CFAP299: variants seen among roughly 807,000 people sequenced by gnomAD.
CFAP299 encodes the protein cilia and flagella associated protein 299, also known as cilia- and flagella-associated protein 299.
CFAP299 carries 21 observed loss-of-function variants against 27.0 expected under a neutral mutation model. The observed-to-expected ratio is 0.78, with a 90% CI of 0.55 to 1.12. The LOEUF (loss-of-function observed/expected upper bound fraction) is 1.12. Among genes scored for constraint, CFAP299 ranks in the 50% most tolerant of loss-of-function variants. CFAP299 has a pLI of 0.00. For synonymous variants in CFAP299, 104 were observed against 98.1 expected (o/e 1.06, Z -0.36); for missense variants, 310 against 276.6 (o/e 1.12, Z -0.86).
At chr4:80,560,667 T>C (rs1404915356) in intron 2 of CFAP299, among the ~76,000 whole-genome samples, 1 of 152,102 alleles carries the variant, frequency 6.6e-6, no homozygotes, top group Non-Finnish European at 1.5e-5. Context: ...ACATCAGTGG[T>C]AGTCTGGCAG....
At chr4:80,426,369 T>C (rs781278356) in intron 2 of CFAP299, among the ~76,000 whole-genome samples, 2 of 152,168 alleles carry the variant, frequency 1.3e-5, no homozygotes, top group Non-Finnish European at 2.9e-5. Flanking sequence ...AGTTTTTATA[T>C]TGGAATATGG....
chr4:80,786,635 C>A (rs1727258243), intron 3 of CFAP299, among the ~76,000 whole-genome samples: 1 of 152,086 alleles, frequency 6.6e-6, no homozygotes, highest in African/African-American at 2.4e-5. Context: ...TGCTGTGTAG[C>A]AGGCTTGCAA....
chr4:80,407,004 T>C (rs909546429), intron 2 of CFAP299, among the ~76,000 whole-genome samples: 3 of 152,088 alleles, frequency 2.0e-5, no homozygotes, highest in African/African-American at 7.2e-5. Context: ...ATAGCAAAAT[T>C]TTATATTACT....
In CFAP299 at chr4:80,574,611, T is replaced by C. The variant is rs183464748; in HGVS notation, c.243-8482T>C. ...GCTGTGGGTTTGTCATATTTGGCTTTTATTGTTTTGGGGGTATGTTCCTTC... is the reference window on the plus strand; with the variant it reads ...GCTGTGGGTTTGTCATATTTGGCTTCTATTGTTTTGGGGGTATGTTCCTTC... On this transcript the variant is annotated intron_variant, in intron 2 of 5. Coordinates refer to ENST00000358105, the MANE Select transcript of CFAP299 (RefSeq NM_152770.3). Among the ~76,000 whole-genome samples, 1,036 of 152,298 alleles carry C rather than the reference T, an allele frequency of 6.8e-3. 13 individuals carry two copies. Among genetic ancestry groups the C allele is most frequent in the African/African-American group, 0.024 (995 of 41,574 alleles).
rs190490693 is a variant in CFAP299, at chr4:80,879,609, T to C, written c.476+9474T>C. ...GTTTTTAACACTCGGCATTTTTACT[T>C]TCAATCGAAATTTATGTTTAATTTT... On this transcript the variant is annotated intron_variant, in intron 4 of 5. Transcript: ENST00000358105. Among the ~76,000 whole-genome samples the C allele has an allele frequency of 2.6e-5, 4 of 152,310 alleles. No individual in the cohort carries two copies. In the East Asian group the frequency reaches 7.7e-4, roughly 29 times the overall value.
At chr4:80,843,169 G>C (rs1447960944) in intron 3 of CFAP299, among the ~76,000 whole-genome samples, 1 of 151,920 alleles carries the variant, frequency 6.6e-6, no homozygotes, top group Non-Finnish European at 1.5e-5. Context: ...CCATGTTGCT[G>C]TGCTGCACCC....
chr4:80,888,957 G>A (rs1316199081), intron 4 of CFAP299, among the ~76,000 whole-genome samples: 1 of 145,506 alleles, frequency 6.9e-6, no homozygotes, highest in Non-Finnish European at 1.5e-5. Flanking sequence ...CAAAACCTGT[G>A]GGATACAGCA....
At chr4:80,619,543 C>G (rs1441674604) in intron 3 of CFAP299, among the ~76,000 whole-genome samples, 1 of 152,042 alleles carries the variant, frequency 6.6e-6, no homozygotes, top group Non-Finnish European at 1.5e-5. Flanking sequence ...AGCCACCTAA[C>G]TAGATGGCTT....
intron 3 of CFAP299, among the ~76,000 whole-genome samples, chr4:80,697,894 T>A (rs1249329429): frequency 6.6e-6 from 1 of 152,192 alleles, no homozygotes; most frequent in Non-Finnish European, 1.5e-5. Context: ...TTTAGGTACA[T>A]GTATTAATTT....
intron 3 of CFAP299, among the ~76,000 whole-genome samples, chr4:80,699,098 C>T (rs954916201): frequency 2.0e-5 from 3 of 152,142 alleles, no homozygotes; most frequent in African/African-American, 7.2e-5. Context: ...GAAGAAGTTA[C>T]TTAAAATTAA....
chr4:80,357,084 A>G (rs965940934), intron 1 of CFAP299, among the ~76,000 whole-genome samples: 1 of 152,196 alleles, frequency 6.6e-6, no homozygotes, highest in African/African-American at 2.4e-5. Flanking sequence ...TCTGCATACT[A>G]TTGAAATAAT....
intron 2 of CFAP299, among the ~76,000 whole-genome samples, chr4:80,393,863 A>G (rs777800612): frequency 1.3e-5 from 2 of 152,220 alleles, no homozygotes; most frequent in Middle Eastern, 6.8e-3. Context: ...TCTCATCTAA[A>G]TTTTAATCCC....
upstream of CFAP299, among the ~76,000 whole-genome samples, chr4:80,331,008 A>C (rs969591806): frequency 6.6e-6 from 1 of 152,240 alleles, no homozygotes; most frequent in African/African-American, 2.4e-5. Flanking sequence ...ATAATAATCA[A>C]GATATTGCAA....
upstream of CFAP299, among the ~76,000 whole-genome samples, chr4:80,331,130 A>C (rs1198718772): frequency 6.6e-5 from 10 of 152,196 alleles, no homozygotes; most frequent in Non-Finnish European, 2.9e-5. Flanking sequence ...AAAAGTGTGT[A>C]CTGTGAAAGA....
At chr4:80,400,993 AT>A (rs1726122775) in intron 2 of CFAP299, among the ~76,000 whole-genome samples, 2 of 152,190 alleles carry the variant, frequency 1.3e-5, no homozygotes, top group African/African-American at 4.8e-5. Flanking sequence ...GACTGGTGGC[AT>A]TTTGCCCCTG....
At chr4:80,892,315 G>T (rs1029547453) in intron 4 of CFAP299, among the ~76,000 whole-genome samples, 3 of 152,082 alleles carry the variant, frequency 2.0e-5, no homozygotes, top group Admixed American at 6.6e-5. Flanking sequence ...ATCCAAAAAA[G>T]AAACTAGATT....
At chr4:80,688,047 G>A (rs1010801062) in intron 3 of CFAP299, among the ~76,000 whole-genome samples, 3 of 152,210 alleles carry the variant, frequency 2.0e-5, no homozygotes, top group Non-Finnish European at 4.4e-5. Context: ...CTACACCCAC[G>A]GAGTCTCGCT....
At chr4:80,629,884 A>C (rs145182407) in intron 3 of CFAP299, among the ~76,000 whole-genome samples, 42 of 79,228 alleles carry the variant, frequency 5.3e-4, no homozygotes, top group South Asian at 7.0e-4. Flanking sequence ...AAAAAAAAAA[A>C]CAAAAAAAAC....
the CFAP299 span, among the ~76,000 whole-genome samples, chr4:80,326,331 GA>G: frequency 6.6e-6 from 1 of 152,074 alleles, no homozygotes; most frequent in African/African-American, 2.4e-5. Context: ...GAAAAGTTTG[GA>G]AAAAGAAAAT....
Sources: allele counts gnomAD v4.1 joint callset (sites outside exome capture counted in the v4.1 genomes callset), GRCh38; gene constraint gnomAD v4.1.1; transcripts MANE v1.5; gene names NCBI Gene and HGNC (gene_info 2026-07-23, HGNC 2026-07-21).